Variants in TMED5 observed in about 807,000 individuals in gnomAD.
TMED5 encodes the protein transmembrane emp24 domain-containing protein 5.
Under a neutral mutation model 23.0 loss-of-function variants are expected in TMED5, and 27 were observed. The ratio of observed to expected loss-of-function variants is 1.17; its 90% CI spans 0.86 to 1.62. The LOEUF (loss-of-function observed/expected upper bound fraction) is 1.62, where lower values mean the gene tolerates loss of function less well. Among genes scored for constraint, TMED5 ranks in the 40% most tolerant of loss-of-function variants. TMED5 has a pLI of 0.00. For missense variants in TMED5, 248 were observed against 273.7 expected, an observed-to-expected ratio of 0.91 and a Z score of 0.66; for synonymous variants, 97 against 100.8, an observed-to-expected ratio of 0.96 and a Z score of 0.23.
rs545008393 is a variant in TMED5 at position 93,168,368 on chromosome 1, T to C, written c.190-8142A>G. Among the ~76,000 whole-genome samples the C allele has an allele frequency of 2.6e-4, 39 of 152,350 alleles. 1 individual carries two copies. In the South Asian group the frequency reaches 3.7e-3, roughly 15 times the overall value. ...GCTAGAGTGGATGACAATACAAGAT[T>C]AACCATATGCTGTCCACAAGAAACC... On this transcript the variant is annotated intron_variant, in intron 1 of 3. Coordinates refer to ENST00000370282, the MANE Select transcript of TMED5 (RefSeq NM_016040.5).
At chr1:93,179,006 C>T (rs1247655744) in intron 1 of TMED5, among the ~76,000 whole-genome samples, 2 of 152,150 alleles carry the variant, frequency 1.3e-5, no homozygotes, top group South Asian at 2.1e-4. Context: ...TAAGAAATTA[C>T]CCCCTACCAC....
intron 1 of TMED5, among the ~76,000 whole-genome samples, chr1:93,173,681 C>T (rs1016673747): frequency 3.9e-5 from 6 of 152,096 alleles, no homozygotes; most frequent in African/African-American, 7.2e-5. Flanking sequence ...AGAGCAGAGC[C>T]GTAAGAACCA....
chr1:93,175,316 T>TATACAC (rs1553160172), intron 1 of TMED5, among the ~76,000 whole-genome samples: 42 of 129,068 alleles, frequency 3.3e-4, no homozygotes, highest in Admixed American at 7.1e-4. Context: ...TATATATATA[T>TATACAC]ACACACACAC....
intron 1 of TMED5, among the ~76,000 whole-genome samples, chr1:93,172,493 G>A (rs1168159358): frequency 6.6e-6 from 1 of 152,022 alleles, no homozygotes; most frequent in Non-Finnish European, 1.5e-5. Flanking sequence ...AAAGAATTAG[G>A]TACAAATCTA....
chr1:93,168,105 C>G (rs1448484441), intron 1 of TMED5, among the ~76,000 whole-genome samples: 1 of 151,980 alleles, frequency 6.6e-6, no homozygotes, highest in African/African-American at 2.4e-5. Flanking sequence ...ATCCCAGGGA[C>G]AAATTCCATT....
intron 1 of TMED5, among the ~76,000 whole-genome samples, chr1:93,175,132 C>T (rs1399606560): frequency 7.2e-6 from 1 of 138,196 alleles, no homozygotes; most frequent in Non-Finnish European, 1.5e-5. Context: ...CCCCAAAACC[C>T]AGCCATTTAT....
chr1:93,162,598 G>A (rs960982871), intron 1 of TMED5: 2 of 151,842 alleles, frequency 1.3e-5, no homozygotes, highest in Admixed American at 6.6e-5. Flanking sequence ...GAGACTCCAC[G>A]TCAAACAAAA....
At chr1:93,170,495 T>C (rs896722476) in intron 1 of TMED5, among the ~76,000 whole-genome samples, 2 of 152,188 alleles carry the variant, frequency 1.3e-5, no homozygotes, top group African/African-American at 4.8e-5. Context: ...CCGCCATGCC[T>C]GAGCCTCCCC....
chr1:93,177,455 G>A (rs571734604), intron 1 of TMED5, among the ~76,000 whole-genome samples: 1 of 151,988 alleles, frequency 6.6e-6, no homozygotes, highest in African/African-American at 2.4e-5. Context: ...GCACATGCCT[G>A]TAATCCAGCT....
At chr1:93,173,292 G>A (rs1055198068) in intron 1 of TMED5, among the ~76,000 whole-genome samples, 5 of 151,962 alleles carry the variant, frequency 3.3e-5, no homozygotes, top group Non-Finnish European at 7.4e-5. Flanking sequence ...AAAACATCAC[G>A]CTATACCGCA....
At chr1:93,171,088 C>A (rs978855391) in intron 1 of TMED5, among the ~76,000 whole-genome samples, 2 of 152,332 alleles carry the variant, frequency 1.3e-5, no homozygotes, top group African/African-American at 4.8e-5. Context: ...TCTTTGGGTT[C>A]ACACTGCCTT....
At position 93,180,047 on chromosome 1, in the gene TMED5, C is replaced by G. The variant is rs1459049629; in HGVS notation, c.189+7G>C. The G allele has an allele frequency of 1.2e-6, 2 of 1,611,532 alleles. No individual in the cohort carries two copies. The highest frequency in any genetic ancestry group is 8.5e-7 in the Non-Finnish European group (1 of 1,178,868). On this transcript the variant is annotated splice_region_variant and intron_variant, in intron 1 of 3. Coordinates refer to ENST00000370282, the MANE Select transcript of TMED5 (RefSeq NM_016040.5). ...AGGAAGGAGGCTGGTTTATCCTCCGCACTTACTTGGTACTCGATCTCCAGC... is the reference window on the plus strand; with the variant it reads ...AGGAAGGAGGCTGGTTTATCCTCCGGACTTACTTGGTACTCGATCTCCAGC...
At chr1:93,176,369 T>G (rs1315596839) in intron 1 of TMED5, among the ~76,000 whole-genome samples, 1 of 152,182 alleles carries the variant, frequency 6.6e-6, no homozygotes, top group Non-Finnish European at 1.5e-5. Flanking sequence ...TCTTTCAATT[T>G]CCAGATAAAA....
chr1:93,151,949 A>AT lies in TMED5; in HGVS notation c.*2720dup, dbSNP rs1647894715. 1 of 152,436 alleles carries AT rather than the reference A, an allele frequency of 6.6e-6. No individual in the cohort carries two copies. The highest frequency in any genetic ancestry group is 1.5e-5 in the Non-Finnish European group (1 of 68,036). The allele number at this position is 152,436 out of a possible 1,614,324, so 9.4% of individuals were successfully genotyped here. A position where few individuals can be genotyped will look rare whatever the true frequency, so the allele number is the denominator to read the frequency against. On this transcript the variant is annotated 3_prime_UTR_variant, in exon 4 of 4. Transcript: ENST00000370282. ...GTATAAAGCAGTTTGAGCAACACTG[A>AT]TTGTGCATTATTGTACTTCAGATGA...
chr1:93,158,577 G>GTTTTTTT lies in TMED5; in HGVS notation c.287+1551_287+1552insAAAAAAA. ...ACTTAAAAGATGAACTACATTTTTA[G>GTTTTTTT]TTTTGTTTTTTTTTTTGAGATGGAG... On this transcript the variant is annotated intron_variant, in intron 2 of 3. Coordinates refer to ENST00000370282, the MANE Select transcript of TMED5 (RefSeq NM_016040.5). Among the ~76,000 whole-genome samples the GTTTTTTT allele has an allele frequency of 1.4e-5, 2 of 143,556 alleles. 1 individual carries two copies. The highest frequency in any genetic ancestry group is 5.2e-5 in the African/African-American group (2 of 38,814). 94.2% of individuals were successfully genotyped at this position (143,556 alleles called of 152,430 possible). A position where few individuals can be genotyped will look rare whatever the true frequency, so the allele number is the denominator to read the frequency against.
chr1:93,172,596 G>A (rs1427499160), intron 1 of TMED5, among the ~76,000 whole-genome samples: 6 of 152,044 alleles, frequency 3.9e-5, no homozygotes, highest in Admixed American at 1.3e-4. Flanking sequence ...TGAGACCAGC[G>A]GAGTTACACA....
At chr1:93,161,978 A>G (rs1441835626) in intron 1 of TMED5, 1 of 151,964 alleles carries the variant, frequency 6.6e-6, no homozygotes, top group Non-Finnish European at 1.5e-5. Context: ...TTCCCTGTAG[A>G]TCTGTCTGCA....
intron 3 of TMED5, 108 bp from the exon 4 acceptor site, chr1:93,154,996 T>G (rs1483241996): frequency 2.5e-6 from 2 of 799,902 alleles, no homozygotes; most frequent in African/African-American, 3.5e-5. Context: ...CCTGGAACTT[T>G]GGGAGACTAG....
rs369773733 is a variant in TMED5 at position 93,160,106 on chromosome 1, C to T, written c.287+23G>A. ...CCACTGGTATTATTCAGCAATGAAA[C>T]TCAACTAAAAGAGATTACTTACGTG... On this transcript the variant is annotated intron_variant, in intron 2 of 3. Coordinates refer to ENST00000370282, the MANE Select transcript of TMED5 (RefSeq NM_016040.5). The T allele has an allele frequency of 4.4e-5, 66 of 1,499,606 alleles. No homozygotes were observed. The Middle Eastern group carries it at 1.0e-3, about 24-fold the overall frequency. 92.9% of individuals were successfully genotyped at this position (1,499,606 alleles called of 1,614,324 possible).
Sources: allele counts gnomAD v4.1 joint callset (sites outside exome capture counted in the v4.1 genomes callset), GRCh38; gene constraint gnomAD v4.1.1; transcripts MANE v1.5; gene names NCBI Gene and HGNC (gene_info 2026-07-23, HGNC 2026-07-21).